LSM12: variants seen among roughly 807,000 people sequenced by gnomAD.
The protein encoded by LSM12 is protein LSM12.
For synonymous variants in LSM12, 74 were observed against 87.3 expected, an observed-to-expected ratio of 0.85 and a Z score of 0.85; for missense variants, 108 against 238.9, an observed-to-expected ratio of 0.45 and a Z score of 3.61.
intron 2 of LSM12, among the ~76,000 whole-genome samples, chr17:44,055,166 TAAGTTA>T (rs1268096509): frequency 1.3e-5 from 2 of 152,038 alleles, no homozygotes; most frequent in African/African-American, 4.8e-5. Context: ...ATTTTTTAAC[TAAGTTA>T]ATCATGAGGT....
rs1196146950 is a variant in LSM12, at chr17:44,036,260, A to G, written c.536T>C (p.Leu179Pro). ...HFRDVESQKI[L>P]QRSQAQQPQK... ...TGGTTGCTGGGCTTGTGAACGTTGC[A>G]GTATCTTTTGGCTTTCCACGTCTCT... Residue 179 changes from leucine (L) to proline (P), a missense_variant, in exon 5 of 5, where the codon CTG becomes CCG. Leu to Pro is a moderately conservative substitution (Grantham distance 98). Transcript: ENST00000293406. 2 of 1,613,766 alleles carry G rather than the reference A, an allele frequency of 1.2e-6. No individual in the cohort carries two copies. Among genetic ancestry groups the G allele is most frequent in the Non-Finnish European group, 1.7e-6 (2 of 1,179,948 alleles).
intron 2 of LSM12, among the ~76,000 whole-genome samples, chr17:44,063,494 A>T (rs1335545373): frequency 1.3e-5 from 2 of 152,126 alleles, no homozygotes; most frequent in African/African-American, 4.8e-5. Flanking sequence ...TTCATAGGTA[A>T]CGCCACCACC....
chr17:44,041,312 CACACACACACACACACACACAA>C (rs1567955847), intron 2 of LSM12, among the ~76,000 whole-genome samples: 7 of 144,306 alleles, frequency 4.9e-5, no homozygotes, highest in Admixed American at 1.4e-4. Flanking sequence ...CACACACACA[CACACACACACACACACACACAA>C]ACACACACAC....
chr17:44,054,873 C>T (rs1237541556), intron 2 of LSM12, among the ~76,000 whole-genome samples: 1 of 151,066 alleles, frequency 6.6e-6, no homozygotes, highest in Non-Finnish European at 1.5e-5. Context: ...GAGTCTCAAT[C>T]TGTCGCCCAG....
At chr17:44,048,579 C>T (rs2049602800) in intron 2 of LSM12, among the ~76,000 whole-genome samples, 1 of 151,914 alleles carries the variant, frequency 6.6e-6, no homozygotes. Flanking sequence ...GGCCTCACTA[C>T]CAATCAGTTA....
intron 2 of LSM12, among the ~76,000 whole-genome samples, chr17:44,052,840 TAATA>T (rs953652670): frequency 2.6e-5 from 4 of 150,950 alleles, no homozygotes; most frequent in Non-Finnish European, 4.4e-5. Context: ...TTTACATAAT[TAATA>T]AATAAATAAA....
Position 44,037,459 on chromosome 17 carries a change from T to C in LSM12, c.448A>G (p.Asn150Asp), listed in dbSNP as rs1177882841. The change falls in exon 4 of 5, where the codon AAC (asparagine) becomes GAC (aspartate). Residue 150 changes from asparagine (N) to aspartate (D), a missense_variant. Asn to Asp is a conservative substitution (Grantham distance 23, BLOSUM62 1). Transcript: ENST00000293406. ...GCACTCCCCTCTTTGCCTTTACAGT[T>C]TTCCACTTGATATGGGGGTGTAATA... is the stretch of plus-strand genomic sequence containing the variant. Reference protein sequence around the residue: ...VVITPPYQVENCKGKEGSALS... With the variant: ...VVITPPYQVEDCKGKEGSALS... 1 of 1,611,360 alleles carries C rather than the reference T, an allele frequency of 6.2e-7. No individual in the cohort carries two copies.
Position 44,043,200 on chromosome 17 carries a change from G to A in LSM12, c.259-2944C>T, listed in dbSNP as rs181621544. Among the ~76,000 whole-genome samples, 777 of 152,338 alleles carry A rather than the reference G, an allele frequency of 5.1e-3. 3 individuals are homozygous for A. Among genetic ancestry groups the A allele is most frequent in the Middle Eastern group, 0.01 (3 of 294 alleles). On this transcript the variant is annotated intron_variant, in intron 2 of 4. Transcript: ENST00000293406. The stretch of plus-strand genomic sequence containing the variant: ...GCGTGAGCACAGAAGGCCAGCTCAC[G>A]CTGTCATTTCAGCCTCCCCGGGTAA...
chr17:44,060,233 A>T (rs949064526), intron 2 of LSM12, among the ~76,000 whole-genome samples: 2 of 152,156 alleles, frequency 1.3e-5, no homozygotes, highest in Admixed American at 1.3e-4. Context: ...AGCAACTGAA[A>T]CTTCAACAGT....
intron 2 of LSM12, among the ~76,000 whole-genome samples, chr17:44,043,653 G>C (rs555995087): frequency 6.8e-6 from 1 of 147,372 alleles, no homozygotes; most frequent in Non-Finnish European, 1.5e-5. Flanking sequence ...CTTGAATCTT[G>C]CTTTCCAAAC....
intron 2 of LSM12, among the ~76,000 whole-genome samples, chr17:44,058,467 C>T (rs1176321496): frequency 1.3e-5 from 2 of 151,762 alleles, no homozygotes; most frequent in East Asian, 3.9e-4. Context: ...TTTGGGAAGC[C>T]GAGGAAGGAG....
chr17:44,063,689 A>T, intron 2 of LSM12, 112 bp downstream of exon 2: 4 of 1,242,556 alleles, frequency 3.2e-6, no homozygotes, highest in Non-Finnish European at 4.3e-6. Flanking sequence ...AGAACAAACA[A>T]TTTTAAGTCA....
intron 2 of LSM12, among the ~76,000 whole-genome samples, chr17:44,042,272 G>C (rs985464358): frequency 5.9e-5 from 9 of 151,728 alleles, no homozygotes; most frequent in African/African-American, 2.2e-4. Flanking sequence ...GGGCGACAGA[G>C]CAAGACTCCG....
Position 44,035,677 on chromosome 17 carries a change from C to CAAAAAAAAAAAAAAAAAAAA in LSM12, c.*530_*531insTTTTTTTTTTTTTTTTTTTT, listed in dbSNP as rs71160079. ...AAACTAATTCAAGCCATGCCCTGTG[C>CAAAAAAAAAAAAAAAAAAAA]AAAAAAAAAAAAAAAAAGAAAAAAG... On this transcript the variant is annotated 3_prime_UTR_variant, in exon 5 of 5. Transcript: ENST00000293406. The CAAAAAAAAAAAAAAAAAAAA allele has an allele frequency of 2.8e-4, 16 of 58,038 alleles. No individual in the cohort carries two copies. The highest frequency in any genetic ancestry group is 9.0e-4 in the South Asian group (1 of 1,110). 3.6% of individuals were successfully genotyped at this position (58,038 alleles called of 1,614,324 possible).
chr17:44,052,489 T>C (rs147458789), intron 2 of LSM12, among the ~76,000 whole-genome samples: 8 of 152,032 alleles, frequency 5.3e-5, no homozygotes, highest in Non-Finnish European at 7.4e-5. Context: ...CCGGGTGCGG[T>C]GGCTCACACT....
chr17:44,039,153 C>T (rs1232384841), intron 3 of LSM12, among the ~76,000 whole-genome samples: 2 of 152,088 alleles, frequency 1.3e-5, no homozygotes, highest in Non-Finnish European at 2.9e-5. Flanking sequence ...CTCCAGGGTT[C>T]AAGCGAATCT....
intron 2 of LSM12, chr17:44,040,458 T>C: frequency 6.0e-6 from 3 of 496,128 alleles, no homozygotes; most frequent in Non-Finnish European, 1.1e-5. Context: ...CGTTCCTTCC[T>C]TCCTTCTAAT....
chr17:44,063,677 T>C (rs1282873684), intron 2 of LSM12, 124 bp downstream of exon 2: 15 of 1,136,364 alleles, frequency 1.3e-5, no homozygotes, highest in Non-Finnish European at 1.8e-5. Context: ...TAAAAAGATA[T>C]CAGAACAAAC....
rs113226000 is a variant in LSM12 at position 44,048,075 on chromosome 17, AG to A, written c.259-7820del. On this transcript the variant is annotated intron_variant, in intron 2 of 4. Coordinates refer to ENST00000293406, the MANE Select transcript of LSM12 (RefSeq NM_001371445.1). ...CACACACACACACACGCAAATAAAA[AG>A]AGTTCTTTATACATTCTGGACACAA... 1.3e-4 allele frequency among the ~76,000 whole-genome samples: 20 copies of A among 152,032 alleles called. 1 individual carries two copies. The highest frequency in any genetic ancestry group is 4.6e-4 in the African/African-American group (19 of 41,450).
Sources: gnomAD v4.1 joint callset for allele counts (sites outside exome capture counted in the v4.1 genomes callset) on GRCh38, gnomAD v4.1.1 for gene constraint, MANE v1.5 for transcripts, NCBI Gene and HGNC (gene_info 2026-07-23, HGNC 2026-07-21) for gene names.